Variants in ATP8A1 observed in about 807,000 individuals in gnomAD.
ATP8A1 encodes ATPase phospholipid transporting 8A1.
ATP8A1 carries 90 observed loss-of-function variants against 177.7 expected under a neutral mutation model. The observed-to-expected ratio is 0.51, with a 90% CI of 0.43 to 0.60. ATP8A1 has a LOEUF of 0.60. ATP8A1 is among the 20% of genes least tolerant of loss of function. The pLI is 0.00. For missense variants in ATP8A1, 1,072 were observed against 1,392.8 expected, an observed-to-expected ratio of 0.77 and a Z score of 3.67; for synonymous variants, 493 against 485.9, an observed-to-expected ratio of 1.01 and a Z score of -0.19.
At chr4:42,468,909 C>T (rs537335692) in intron 25 of ATP8A1, among the ~76,000 whole-genome samples, 5 of 152,254 alleles carry the variant, frequency 3.3e-5, no homozygotes, top group Non-Finnish European at 5.9e-5. Flanking sequence ...AGTGGAGATT[C>T]ATACAAAATA....
chr4:42,523,851 G>A (rs930843436), intron 21 of ATP8A1, among the ~76,000 whole-genome samples: 1 of 152,062 alleles, frequency 6.6e-6, no homozygotes, highest in African/African-American at 2.4e-5. Flanking sequence ...CTGCACAGAG[G>A]TTTTTCAAAA....
At position 42,581,746 on chromosome 4, in the gene ATP8A1, C is replaced by T. The variant is rs760443126; in HGVS notation, c.723-14G>A. 38 of 1,582,196 alleles carry T rather than the reference C, an allele frequency of 2.4e-5. No homozygotes were observed. The highest frequency in any genetic ancestry group is 5.1e-5 in the Admixed American group (3 of 58,896). On this transcript the variant is annotated splice_polypyrimidine_tract_variant and intron_variant, in intron 9 of 36. Coordinates refer to ENST00000381668, the MANE Select transcript of ATP8A1 (RefSeq NM_006095.2). ...AGTGGAACGGTGCTAGGACAGATTA[C>T]GTTGACATTAGAAACAGTATTTTCT...
In ATP8A1 at chr4:42,435,461, A is replaced by AAAAAAAAAAAC. The variant is rs1553871738; in HGVS notation, c.3123+8103_3123+8104insGTTTTTTTTTT. ...AAAAAAAAAAAAAACAAAAAAAAAA[A>AAAAAAAAAAAC]AACAAACTATCTCCAGTTATGAGCT... is the stretch of plus-strand genomic sequence containing the variant. On this transcript the variant is annotated intron_variant, in intron 33 of 36. Coordinates refer to ENST00000381668, the MANE Select transcript of ATP8A1 (RefSeq NM_006095.2). 3.3e-3 allele frequency among the ~76,000 whole-genome samples: 403 copies of AAAAAAAAAAAC among 122,174 alleles called. 44 individuals carry two copies. Among genetic ancestry groups the AAAAAAAAAAAC allele is most frequent in the Non-Finnish European group, 5.4e-3 (306 of 56,360 alleles). The allele number at this position is 122,174 out of a possible 152,430, so 80.2% of individuals were successfully genotyped here.
At chr4:42,604,138 C>G (rs1043875664) in intron 5 of ATP8A1, among the ~76,000 whole-genome samples, 1 of 152,136 alleles carries the variant, frequency 6.6e-6, no homozygotes, top group Admixed American at 6.5e-5. Context: ...TCTTTCCCTC[C>G]ATCCTCACCT....
At chr4:42,431,378 A>G (rs937045814) in intron 33 of ATP8A1, among the ~76,000 whole-genome samples, 4 of 152,144 alleles carry the variant, frequency 2.6e-5, no homozygotes, top group Non-Finnish European at 5.9e-5. Flanking sequence ...AATTGGGAAG[A>G]ACTTACAATT....
chr4:42,520,003 A>G (rs780468388), intron 22 of ATP8A1, among the ~76,000 whole-genome samples: 1 of 152,136 alleles, frequency 6.6e-6, no homozygotes, highest in African/African-American at 2.4e-5. Flanking sequence ...AATGTAGCTC[A>G]TGATCGCCAT....
intron 22 of ATP8A1, among the ~76,000 whole-genome samples, chr4:42,510,603 T>C (rs897005669): frequency 6.6e-6 from 1 of 152,106 alleles, no homozygotes; most frequent in Non-Finnish European, 1.5e-5. Context: ...TTTTTTGCAA[T>C]ATGTTTCCCA....
At chr4:42,524,971 T>C (rs1726534574) in intron 20 of ATP8A1, 124 bp from the exon 21 acceptor site, 1 of 541,972 alleles carries the variant, frequency 1.8e-6, no homozygotes, top group Admixed American at 3.5e-5. Context: ...GCATTCGTTT[T>C]AAAGAACAAG....
chr4:42,648,574 A>T (rs1740780962), intron 1 of ATP8A1, among the ~76,000 whole-genome samples: 1 of 152,184 alleles, frequency 6.6e-6, no homozygotes, highest in Admixed American at 6.5e-5. Flanking sequence ...ACTGTTTAAA[A>T]TGAAACCCAA....
At chr4:42,521,497 C>T (rs1360128935) in intron 22 of ATP8A1, among the ~76,000 whole-genome samples, 3 of 152,346 alleles carry the variant, frequency 2.0e-5, no homozygotes, top group African/African-American at 7.2e-5. Context: ...AAGCAAGATT[C>T]TTGCTATTTA....
At chr4:42,575,992 T>C (rs1732404366) in intron 12 of ATP8A1, among the ~76,000 whole-genome samples, 1 of 152,176 alleles carries the variant, frequency 6.6e-6, no homozygotes, top group Non-Finnish European at 1.5e-5. Context: ...ATAAATGACC[T>C]ATTATAAGGA....
At chr4:42,609,394 T>TA (rs1361543853) in intron 5 of ATP8A1, among the ~76,000 whole-genome samples, 12 of 152,208 alleles carry the variant, frequency 7.9e-5, no homozygotes, top group African/African-American at 2.7e-4. Flanking sequence ...AGCAATACCC[T>TA]ATTCTCGAAA....
intron 30 of ATP8A1, among the ~76,000 whole-genome samples, chr4:42,448,653 C>T (rs1401187468): frequency 6.6e-6 from 1 of 151,268 alleles, no homozygotes; most frequent in Non-Finnish European, 1.5e-5. Context: ...CCACCTTGGG[C>T]TCCCGAAGTG....
At position 42,528,058 on chromosome 4, in the gene ATP8A1, G is replaced by A. The variant is rs58573120; in HGVS notation, c.1723-3211C>T. ...GTGATGATTCCAGGGGACCCAAAAT[G>A]TCATTGTGGTCCTCCAGTTAAAATA... On this transcript the variant is annotated intron_variant, in intron 20 of 36. Coordinates refer to ENST00000381668, the MANE Select transcript of ATP8A1 (RefSeq NM_006095.2). 2.0e-4 allele frequency among the ~76,000 whole-genome samples: 31 copies of A among 152,276 alleles called. No individual in the cohort carries two copies. The East Asian group carries it at 5.8e-3, about 28-fold the overall frequency.
intron 27 of ATP8A1, among the ~76,000 whole-genome samples, chr4:42,462,422 G>C (rs1036695279): frequency 2.0e-5 from 3 of 152,262 alleles, no homozygotes; most frequent in Admixed American, 2.0e-4. Flanking sequence ...GGCCAACATA[G>C]AGTTCGGGCA....
chr4:42,629,135 C>T (rs1738446412), intron 1 of ATP8A1, among the ~76,000 whole-genome samples: 1 of 152,134 alleles, frequency 6.6e-6, no homozygotes, highest in South Asian at 2.1e-4. Context: ...TTTCCTTGAA[C>T]TAAAGGGACT....
At chr4:42,587,818 C>A (rs1577652362) in intron 8 of ATP8A1, among the ~76,000 whole-genome samples, 1 of 152,056 alleles carries the variant, frequency 6.6e-6, no homozygotes, top group Non-Finnish European at 1.5e-5. Flanking sequence ...CCGTGTTAGC[C>A]AGGATGGTCT....
intron 6 of ATP8A1, among the ~76,000 whole-genome samples, chr4:42,598,096 C>G (rs1468223074): frequency 6.6e-6 from 1 of 152,030 alleles, no homozygotes; most frequent in African/African-American, 2.4e-5. Context: ...TAATCTAATT[C>G]CATAGATTTT....
intron 27 of ATP8A1, among the ~76,000 whole-genome samples, chr4:42,458,827 T>C (rs1043622656): frequency 1.6e-4 from 24 of 152,236 alleles, no homozygotes; most frequent in African/African-American, 5.3e-4. Flanking sequence ...TCACATTCAT[T>C]TTCCTGATGG....
Sources: allele counts gnomAD v4.1 joint callset (sites outside exome capture counted in the v4.1 genomes callset), GRCh38; gene constraint gnomAD v4.1.1; transcripts MANE v1.5; gene names NCBI Gene and HGNC (gene_info 2026-07-23, HGNC 2026-07-21).